CFAP53: variants seen among roughly 807,000 people sequenced by gnomAD.
CFAP53 encodes cilia and flagella associated protein 53, also known as cilia- and flagella-associated protein 53.
In CFAP53, 62 loss-of-function variants were observed where a neutral mutation model predicts 59.7. The ratio of observed to expected loss-of-function variants is 1.04; its 90% CI spans 0.85 to 1.28. The LOEUF (loss-of-function observed/expected upper bound fraction) is 1.28, where lower values mean the gene tolerates loss of function less well. Among genes scored for constraint, CFAP53 ranks in the 50% most tolerant of loss-of-function variants. The pLI is 0.00. For synonymous variants in CFAP53, 218 were observed against 205.7 expected, an observed-to-expected ratio of 1.06 and a Z score of -0.51; for missense variants, 629 against 615.6, an observed-to-expected ratio of 1.02 and a Z score of -0.23.
At chr18:50,242,092 G>T (rs2033695567) in intron 6 of CFAP53, among the ~76,000 whole-genome samples, 1 of 152,184 alleles carries the variant, frequency 6.6e-6, no homozygotes, top group Non-Finnish European at 1.5e-5. Context: ...CGTTCTGCAA[G>T]AAGAAAAACA....
chr18:50,230,410 A>T (rs780910310), intron 7 of CFAP53, among the ~76,000 whole-genome samples: 31 of 152,196 alleles, frequency 2.0e-4, no homozygotes, highest in Non-Finnish European at 4.1e-4. Context: ...TTCTGAGGGC[A>T]TCTGTGATGG....
At chr18:50,249,225 A>G (rs2033775133) in intron 5 of CFAP53, among the ~76,000 whole-genome samples, 1 of 132,118 alleles carries the variant, frequency 7.6e-6, no homozygotes, top group Non-Finnish European at 1.6e-5. Context: ...AAAAAAAAAG[A>G]ATAAAAAGAA....
chr18:50,234,938 A>T (rs1200128694), intron 7 of CFAP53, among the ~76,000 whole-genome samples: 1 of 152,246 alleles, frequency 6.6e-6, no homozygotes, highest in East Asian at 1.9e-4. Context: ...TCACCATCTT[A>T]GTCCAGCAAT....
chr18:50,253,338 A>G (rs1045266664), intron 3 of CFAP53, among the ~76,000 whole-genome samples: 8 of 152,248 alleles, frequency 5.3e-5, no homozygotes, highest in African/African-American at 1.9e-4. Context: ...TTCTAAAAAA[A>G]TAAATTAAAT....
chr18:50,250,397 C>G (rs1184543018), intron 5 of CFAP53, among the ~76,000 whole-genome samples: 2 of 152,202 alleles, frequency 1.3e-5, no homozygotes, highest in African/African-American at 4.8e-5. Context: ...AATGCCTTTC[C>G]CTTCTCTTTT....
At chr18:50,263,599 T>G (rs2033913747) in intron 1 of CFAP53, among the ~76,000 whole-genome samples, 1 of 152,128 alleles carries the variant, frequency 6.6e-6, no homozygotes, top group Non-Finnish European at 1.5e-5. Flanking sequence ...GCCAGCTAAT[T>G]AGATGACTGT....
intron 7 of CFAP53, among the ~76,000 whole-genome samples, chr18:50,233,029 A>G (rs2033597158): frequency 6.6e-6 from 1 of 152,336 alleles, no homozygotes; most frequent in African/African-American, 2.4e-5. Flanking sequence ...GCAAACTACA[A>G]CAAGAAAAAG....
At chr18:50,247,569 A>G (rs1370144660) in intron 5 of CFAP53, among the ~76,000 whole-genome samples, 2 of 152,278 alleles carry the variant, frequency 1.3e-5, no homozygotes, top group African/African-American at 4.8e-5. Context: ...ATGTCCATCA[A>G]CTGACATAAT....
intron 1 of CFAP53, among the ~76,000 whole-genome samples, chr18:50,263,566 G>A (rs1009990275): frequency 2.6e-5 from 4 of 152,182 alleles, no homozygotes; most frequent in Non-Finnish European, 2.9e-5. Flanking sequence ...GCTAATCCAT[G>A]TCATAATTAT....
rs142882438 is a variant in CFAP53, at chr18:50,235,293, C to T, written c.1316+3310G>A. ...TAATAAAGCTCATATTGGCTGGGTG[C>T]GGTGGCTCACACCTGTAATCCCAGC... is the stretch of plus-strand genomic sequence containing the variant. On this transcript the variant is annotated intron_variant, in intron 7 of 7. Transcript: ENST00000398545. Among the ~76,000 whole-genome samples, 1,009 of 152,214 alleles carry T rather than the reference C, an allele frequency of 6.6e-3. 12 individuals carry two copies. The highest frequency in any genetic ancestry group is 0.022 in the African/African-American group (928 of 41,536).
intron 7 of CFAP53, among the ~76,000 whole-genome samples, chr18:50,233,636 C>T (rs912275509): frequency 6.6e-6 from 1 of 152,186 alleles, no homozygotes; most frequent in African/African-American, 2.4e-5. Flanking sequence ...TGTCATTTTC[C>T]TTAAAAATGG....
chr18:50,236,660 T>C (rs2033636151), intron 7 of CFAP53, among the ~76,000 whole-genome samples: 1 of 152,198 alleles, frequency 6.6e-6, no homozygotes, highest in Non-Finnish European at 1.5e-5. Flanking sequence ...TCCTAGTTGA[T>C]AACTGAGATC....
Position 50,266,275 on chromosome 18 carries a change from G to A in CFAP53, c.69+61C>T. The A allele has an allele frequency of 3.2e-6, 5 of 1,545,924 alleles. No homozygotes were observed. In the South Asian group the frequency reaches 5.6e-5, roughly 17 times the overall value. ...GTGGGGGCCGAAGTGGGATAGGCCA[G>A]GCCTGGAGTGCGGAGAGATGGAGAA... On this transcript the variant is annotated intron_variant, in intron 1 of 7. Coordinates refer to ENST00000398545, the MANE Select transcript of CFAP53 (RefSeq NM_145020.5).
chr18:50,235,195 T>A (rs888374587), intron 7 of CFAP53, among the ~76,000 whole-genome samples: 2 of 152,192 alleles, frequency 1.3e-5, no homozygotes, highest in Non-Finnish European at 2.9e-5. Context: ...TCCTGAAGAT[T>A]CCTTTCTGGC....
chr18:50,244,919 T>C (rs1599121307), intron 5 of CFAP53, among the ~76,000 whole-genome samples: 1 of 151,012 alleles, frequency 6.6e-6, no homozygotes, highest in East Asian at 2.0e-4. Flanking sequence ...AAAAATTAGC[T>C]GGGTGTGGTG....
intron 1 of CFAP53, among the ~76,000 whole-genome samples, chr18:50,264,742 C>A (rs2033921428): frequency 3.3e-5 from 5 of 152,190 alleles, no homozygotes; most frequent in Admixed American, 3.3e-4. Flanking sequence ...ATTCAATAAG[C>A]CCGCTTCTCT....
At chr18:50,264,338 CG>C (rs1474093698) in intron 1 of CFAP53, among the ~76,000 whole-genome samples, 1 of 152,144 alleles carries the variant, frequency 6.6e-6, no homozygotes, top group Non-Finnish European at 1.5e-5. Context: ...ATTTACAGTT[CG>C]GTTGTCTTAA....
intron 5 of CFAP53, among the ~76,000 whole-genome samples, chr18:50,250,055 C>CA (rs1568155894): frequency 6.6e-6 from 1 of 151,600 alleles, no homozygotes; most frequent in Non-Finnish European, 1.5e-5. Flanking sequence ...CCTGTCTCTA[C>CA]AAAAAATACA....
Position 50,251,790 on chromosome 18 carries a change from A to G in CFAP53, c.474-6T>C, listed in dbSNP as rs745552060. 2.3e-5 allele frequency: 37 copies of G among 1,610,586 alleles called. No individual in the cohort carries two copies. The highest frequency in any genetic ancestry group is 5.0e-5 in the Admixed American group (3 of 59,574). On this transcript the variant is annotated splice_region_variant and splice_polypyrimidine_tract_variant and intron_variant, in intron 3 of 7. Transcript: ENST00000398545. Reference sequence around the variant, plus strand: ...GGAGCTCCTCACAGCGTTCCCTGAAAGGAAAATTTTAAAAAGACAAAACCC... The same window carrying G: ...GGAGCTCCTCACAGCGTTCCCTGAAGGGAAAATTTTAAAAAGACAAAACCC...
Sources: gnomAD v4.1 joint callset for allele counts (sites outside exome capture counted in the v4.1 genomes callset) on GRCh38, gnomAD v4.1.1 for gene constraint, MANE v1.5 for transcripts, NCBI Gene and HGNC (gene_info 2026-07-23, HGNC 2026-07-21) for gene names.